The following GABBR2 variants were observed in gnomAD, a reference collection of about 807,000 sequenced individuals.
GABBR2 encodes the protein gamma-aminobutyric acid type B receptor subunit 2.
In GABBR2, 23 loss-of-function variants were observed where a neutral mutation model predicts 105.6. The ratio of observed to expected loss-of-function variants is 0.22; its 90% CI spans 0.16 to 0.31. The LOEUF (loss-of-function observed/expected upper bound fraction) is 0.31. GABBR2 is among the 10% of genes least tolerant of loss of function. The pLI is 1.00. For missense variants in GABBR2, 734 were observed against 1,245.5 expected, an observed-to-expected ratio of 0.59 and a Z score of 6.18; for synonymous variants, 478 against 499.7, an observed-to-expected ratio of 0.96 and a Z score of 0.58.
intron 1 of GABBR2, among the ~76,000 whole-genome samples, chr9:98,633,476 A>T (rs1440461537): frequency 2.6e-5 from 4 of 151,826 alleles, no homozygotes; most frequent in East Asian, 1.9e-4. Context: ...TACAAAAAAA[A>T]TAGCTGGGCA....
chr9:98,328,480 G>A (rs545306173), intron 13 of GABBR2, among the ~76,000 whole-genome samples: 1 of 152,244 alleles, frequency 6.6e-6, no homozygotes, highest in East Asian at 1.9e-4. Flanking sequence ...ATGCCAATGA[G>A]CAAGGCAAAA....
chr9:98,388,480 T>C lies in GABBR2; in HGVS notation c.1529+374A>G, dbSNP rs1354808369. ...GAAGTTTGGGGTATTCTGTCTTCTA[T>C]ATCTCTCCTCCTGGACCTCCACAAA... On this transcript the variant is annotated intron_variant, in intron 10 of 18. Transcript: ENST00000259455. This position sits in a 1 kb window ranked among gnomAD's most constrained non-coding sequence, Gnocchi z 4.4. Among the ~76,000 whole-genome samples, 3 of 152,170 alleles carry C rather than the reference T, an allele frequency of 2.0e-5. No individual in the cohort carries two copies. The highest frequency in any genetic ancestry group is 4.4e-5 in the Non-Finnish European group (3 of 68,044).
chr9:98,499,812 G>A (rs10986436), intron 3 of GABBR2, among the ~76,000 whole-genome samples: 5,664 of 152,336 alleles, frequency 0.037, 227 homozygotes, highest in East Asian at 0.16. Flanking sequence ...AGCACTTTGG[G>A]AGGCCAAGGC....
At chr9:98,646,228 T>G (rs1830027756) in intron 1 of GABBR2, among the ~76,000 whole-genome samples, 1 of 152,232 alleles carries the variant, frequency 6.6e-6, no homozygotes, top group Non-Finnish European at 1.5e-5. Flanking sequence ...TGGTTCCTAC[T>G]AAACACCTGC....
intron 10 of GABBR2, among the ~76,000 whole-genome samples, chr9:98,387,133 T>A (rs1832087885): frequency 6.6e-6 from 1 of 151,974 alleles, no homozygotes; most frequent in Admixed American, 6.6e-5. Flanking sequence ...CCTTATAGGA[T>A]GGATTTAGGA....
At chr9:98,353,806 TGGG>T (rs35065605) in intron 13 of GABBR2, among the ~76,000 whole-genome samples, 3 of 151,732 alleles carry the variant, frequency 2.0e-5, no homozygotes, top group Admixed American at 2.0e-4. Flanking sequence ...TGGATCATGG[TGGG>T]GGGGGGTGGC....
At chr9:98,684,276 G>A (rs1769441421) in intron 1 of GABBR2, among the ~76,000 whole-genome samples, 1 of 150,012 alleles carries the variant, frequency 6.7e-6, no homozygotes, top group Admixed American at 6.7e-5. Flanking sequence ...AAATCACCAT[G>A]GTATCAACAG....
intron 1 of GABBR2, among the ~76,000 whole-genome samples, chr9:98,679,482 ATTAAC>A (rs1830514229): frequency 6.6e-6 from 1 of 152,262 alleles, no homozygotes; most frequent in Non-Finnish European, 1.5e-5. Flanking sequence ...ACACTGAGTA[ATTAAC>A]TTAATGAAAC....
At chr9:98,523,669 A>G (rs1299868900) in intron 3 of GABBR2, among the ~76,000 whole-genome samples, 6 of 152,182 alleles carry the variant, frequency 3.9e-5, no homozygotes, top group African/African-American at 1.4e-4. Flanking sequence ...CTAGATTAGC[A>G]GCAGTAACCA....
intron 4 of GABBR2, among the ~76,000 whole-genome samples, chr9:98,487,027 G>A (rs571729279): frequency 6.6e-6 from 1 of 152,336 alleles, no homozygotes; most frequent in South Asian, 2.1e-4. Flanking sequence ...AAGGAAGGGA[G>A]CGAAGAGGGA....
chr9:98,614,565 T>G (rs1829552155), intron 1 of GABBR2, among the ~76,000 whole-genome samples: 1 of 151,982 alleles, frequency 6.6e-6, no homozygotes, highest in South Asian at 2.1e-4. Flanking sequence ...AAAAGACAAA[T>G]TAAAATGAGT....
At chr9:98,629,967 T>A (rs553329457) in intron 1 of GABBR2, among the ~76,000 whole-genome samples, 1 of 152,316 alleles carries the variant, frequency 6.6e-6, no homozygotes, top group South Asian at 2.1e-4. Context: ...TTTCTTCTTA[T>A]TTTAAAATAA....
intron 13 of GABBR2, among the ~76,000 whole-genome samples, chr9:98,329,863 T>TTC (rs549774439): frequency 8.7e-5 from 13 of 150,088 alleles, no homozygotes; most frequent in South Asian, 2.1e-4. Context: ...TTTCTTCTTC[T>TTC]TCTCTCTCTC....
chr9:98,534,533 C>G (rs1828131855), intron 3 of GABBR2, among the ~76,000 whole-genome samples: 1 of 152,200 alleles, frequency 6.6e-6, no homozygotes, highest in African/African-American at 2.4e-5. Flanking sequence ...AGTATCCTAA[C>G]ACATTGAATC....
intron 1 of GABBR2, among the ~76,000 whole-genome samples, chr9:98,635,882 T>C (rs565287823): frequency 1.3e-5 from 2 of 152,296 alleles, no homozygotes; most frequent in South Asian, 4.2e-4. Context: ...AAACTTGAGT[T>C]TGTATTAGAA....
intron 1 of GABBR2, among the ~76,000 whole-genome samples, chr9:98,589,711 CT>C (rs561852717): frequency 0.014 from 1,923 of 132,708 alleles, 12 homozygotes; most frequent in South Asian, 0.021. Flanking sequence ...GTTTGGCTGT[CT>C]TTTTTTTTTT....
Position 98,306,364 on chromosome 9 carries a change from AG to A in GABBR2, c.2005-20del. 1 of 1,560,266 alleles carries A rather than the reference AG, an allele frequency of 6.4e-7. No individual in the cohort carries two copies. Among genetic ancestry groups the A allele is most frequent in the South Asian group, 1.1e-5 (1 of 89,600 alleles). ...CGAACAACTGAAATGGTGAACAGAA[AG>A]GGGAGAGATGATCGTTACCAAGGGG... is the stretch of plus-strand genomic sequence containing the variant. On this transcript the variant is annotated intron_variant, in intron 14 of 18. Coordinates refer to ENST00000259455, the MANE Select transcript of GABBR2 (RefSeq NM_005458.8). This position sits in a 1 kb window ranked among gnomAD's most constrained non-coding sequence, Gnocchi z 5.4.
At chr9:98,684,348 C>A (rs2131872894) in intron 1 of GABBR2, among the ~76,000 whole-genome samples, 1 of 151,996 alleles carries the variant, frequency 6.6e-6, no homozygotes, top group Non-Finnish European at 1.5e-5. Flanking sequence ...TTTGCATTTT[C>A]CAAATTTTCT....
chr9:98,606,715 A>G, intron 1 of GABBR2: 1 of 233,756 alleles, frequency 4.3e-6, no homozygotes, highest in South Asian at 5.9e-5. Flanking sequence ...CCTGACCTCA[A>G]GTGATCCGCC....
Sources: gnomAD v4.1 joint callset for allele counts (sites outside exome capture counted in the v4.1 genomes callset) on GRCh38, gnomAD v4.1.1 for gene constraint, Gnocchi (gnomAD v3.1) non-coding constraint, MANE v1.5 for transcripts, NCBI Gene and HGNC (gene_info 2026-07-23, HGNC 2026-07-21) for gene names.